Variants in CDH2 observed in about 807,000 individuals in gnomAD.
CDH2 encodes cadherin-2.
Under a neutral mutation model 92.0 loss-of-function variants are expected in CDH2, and 17 were observed. The observed-to-expected ratio is 0.18, with a 90% CI of 0.13 to 0.28. The LOEUF (loss-of-function observed/expected upper bound fraction) is 0.28. Among genes scored for constraint, CDH2 ranks in the 10% least tolerant of loss-of-function variants. CDH2 has a pLI of 1.00. For synonymous variants in CDH2, 419 were observed against 415.9 expected (o/e 1.01, Z -0.09); for missense variants, 862 against 1,133.1 (o/e 0.76, Z 3.44).
At chr18:27,989,627 T>C (rs1266344739) in intron 10 of CDH2, among the ~76,000 whole-genome samples, 1 of 152,182 alleles carries the variant, frequency 6.6e-6, no homozygotes, top group Admixed American at 6.5e-5. Flanking sequence ...TGGAAATCTT[T>C]ACAGATAGGT....
chr18:27,955,706 G>A (rs1357182251), intron 15 of CDH2, among the ~76,000 whole-genome samples: 1 of 145,706 alleles, frequency 6.9e-6, no homozygotes, highest in East Asian at 2.0e-4. Context: ...TTTAGCTCCT[G>A]CCCTGGCTTT....
At chr18:28,001,902 T>C (rs1351335624) in intron 7 of CDH2, among the ~76,000 whole-genome samples, 1 of 152,244 alleles carries the variant, frequency 6.6e-6, no homozygotes, top group Non-Finnish European at 1.5e-5. Context: ...TCTAAAATCC[T>C]TGTCAATGAT....
intron 2 of CDH2, among the ~76,000 whole-genome samples, chr18:28,038,252 G>T (rs1016968121): frequency 7.9e-5 from 12 of 151,974 alleles, no homozygotes; most frequent in African/African-American, 2.9e-4. Flanking sequence ...GCAAAACTCC[G>T]TATCTACCAA....
chr18:28,101,144 TA>T (rs1054541347), intron 2 of CDH2, among the ~76,000 whole-genome samples: 1 of 152,208 alleles, frequency 6.6e-6, no homozygotes, highest in African/African-American at 2.4e-5. Context: ...TTAACACAGA[TA>T]CTGCTAATGA....
At chr18:28,041,536 G>A (rs753787367) in intron 2 of CDH2, among the ~76,000 whole-genome samples, 2 of 152,144 alleles carry the variant, frequency 1.3e-5, no homozygotes, top group Non-Finnish European at 2.9e-5. Context: ...TGTTTTTAAC[G>A]GATAAGTGTC....
chr18:27,950,936 A>C (rs1291444206), downstream of CDH2: 1 of 152,568 alleles, frequency 6.6e-6, no homozygotes, highest in Non-Finnish European at 1.5e-5. Context: ...AAAGCAGCTC[A>C]AGTAGAAAAG....
intron 7 of CDH2, among the ~76,000 whole-genome samples, chr18:27,996,018 C>G (rs2012569474): frequency 6.6e-6 from 1 of 152,156 alleles, no homozygotes; most frequent in Non-Finnish European, 1.5e-5. Flanking sequence ...ACTTCCCACT[C>G]TCATAGTACC....
intron 1 of CDH2, among the ~76,000 whole-genome samples, chr18:28,152,793 G>A (rs892263865): frequency 2.6e-5 from 4 of 152,144 alleles, no homozygotes; most frequent in Non-Finnish European, 4.4e-5. Flanking sequence ...TGTGATAGGG[G>A]ATGACAAGTG....
At chr18:27,943,385 A>C (rs1418766639) in intron 6 of CDH2, among the ~76,000 whole-genome samples, 1 of 152,186 alleles carries the variant, frequency 6.6e-6, no homozygotes, top group African/African-American at 2.4e-5. Context: ...CATCTCAAGA[A>C]ATCAGGAAAA....
intron 2 of CDH2, among the ~76,000 whole-genome samples, chr18:28,064,768 G>C (rs2014474783): frequency 6.6e-6 from 1 of 151,832 alleles, no homozygotes; most frequent in Non-Finnish European, 1.5e-5. Flanking sequence ...CTGGAGCCTT[G>C]AGAGAATCAG....
intron 2 of CDH2, among the ~76,000 whole-genome samples, chr18:28,090,762 T>C (rs962723663): frequency 6.6e-6 from 1 of 152,206 alleles, no homozygotes; most frequent in African/African-American, 2.4e-5. Context: ...TTTATTGTAC[T>C]GAAGAATGTT....
intron 14 of CDH2, among the ~76,000 whole-genome samples, chr18:27,981,992 A>T (rs1221243554): frequency 6.6e-6 from 1 of 152,204 alleles, no homozygotes; most frequent in African/African-American, 2.4e-5. Flanking sequence ...GTATCAGAAT[A>T]GTTTAGCCTG....
At chr18:28,147,810 AT>A in intron 1 of CDH2, 26 bp from the exon 2 acceptor site, 1 of 1,221,064 alleles carries the variant, frequency 8.2e-7, no homozygotes, top group Non-Finnish European at 1.2e-6. Flanking sequence ...AAAAAAAAAA[AT>A]GTGTGCAATG....
chr18:28,101,198 T>C (rs1450028232), intron 2 of CDH2, among the ~76,000 whole-genome samples: 1 of 152,168 alleles, frequency 6.6e-6, no homozygotes, highest in Non-Finnish European at 1.5e-5. Context: ...CTAGTTGCAT[T>C]GGCTCTAGAA....
intron 2 of CDH2, among the ~76,000 whole-genome samples, chr18:28,041,668 T>C (rs1329210191): frequency 1.3e-5 from 2 of 152,190 alleles, no homozygotes; most frequent in Admixed American, 6.5e-5. Context: ...CTTAACAGAA[T>C]TAAGAAGCAG....
At chr18:28,020,876 A>T (rs2013391095) in intron 2 of CDH2, among the ~76,000 whole-genome samples, 3 of 152,034 alleles carry the variant, frequency 2.0e-5, no homozygotes, top group Admixed American at 2.0e-4. Context: ...CTAATGCAGG[A>T]TGTTACCAAC....
At chr18:28,002,026 C>G (rs1190952820) in intron 7 of CDH2, among the ~76,000 whole-genome samples, 1 of 152,174 alleles carries the variant, frequency 6.6e-6, no homozygotes, top group Non-Finnish European at 1.5e-5. Context: ...TATGAGTTGG[C>G]GCTTTGATAT....
chr18:27,934,112 A>G (rs898860198), intron 6 of CDH2, among the ~76,000 whole-genome samples: 1 of 152,234 alleles, frequency 6.6e-6, no homozygotes, highest in African/African-American at 2.4e-5. Context: ...TACACCAAAT[A>G]CTATTATGAT....
intron 2 of CDH2, among the ~76,000 whole-genome samples, chr18:28,100,322 G>C (rs188662622): frequency 1.3e-5 from 2 of 152,352 alleles, no homozygotes; most frequent in East Asian, 1.9e-4. Context: ...CTGAGTAAGA[G>C]AGAACTCCTA....
Sources: allele counts gnomAD v4.1 joint callset (sites outside exome capture counted in the v4.1 genomes callset), GRCh38; gene constraint gnomAD v4.1.1; transcripts MANE v1.5; gene names NCBI Gene and HGNC (gene_info 2026-07-23, HGNC 2026-07-21).